LPP: variants seen among roughly 807,000 people sequenced by gnomAD.
LPP encodes the protein LIM domain containing preferred translocation partner in lipoma.
In LPP, 38 loss-of-function variants were observed where a neutral mutation model predicts 60.4. The observed-to-expected ratio is 0.63, with a 90% CI of 0.49 to 0.83. LPP has a LOEUF of 0.83. LPP is among the 40% of genes least tolerant of loss of function. The pLI is 0.00. For missense variants in LPP, 902 were observed against 783.6 expected (o/e 1.15, Z -1.80); for synonymous variants, 328 against 290.8 (o/e 1.13, Z -1.30).
intron 8 of LPP, among the ~76,000 whole-genome samples, chr3:188,714,946 T>C (rs1329024446): frequency 6.6e-6 from 1 of 152,100 alleles, no homozygotes; most frequent in Non-Finnish European, 1.5e-5. Flanking sequence ...TCTTACCCAG[T>C]TCAATAAACC....
chr3:188,304,838 TC>T (rs1751008275), intron 2 of LPP, among the ~76,000 whole-genome samples: 1 of 152,186 alleles, frequency 6.6e-6, no homozygotes, highest in African/African-American at 2.4e-5. Flanking sequence ...AAAGTTGAAT[TC>T]CCTATTATGG....
intron 1 of LPP, among the ~76,000 whole-genome samples, chr3:188,225,162 T>C (rs1439348634): frequency 6.6e-6 from 1 of 152,194 alleles, no homozygotes; most frequent in African/African-American, 2.4e-5. Context: ...ACCTCCATTA[T>C]TAAGATGAAG....
intron 8 of LPP, among the ~76,000 whole-genome samples, chr3:188,732,154 G>A (rs542034357): frequency 7.9e-5 from 12 of 152,286 alleles, no homozygotes; most frequent in African/African-American, 2.6e-4. Flanking sequence ...GGAAACTTGT[G>A]ACCGATGCTA....
intron 2 of LPP, among the ~76,000 whole-genome samples, chr3:188,326,632 A>T (rs960368733): frequency 3.3e-5 from 5 of 152,220 alleles, no homozygotes; most frequent in African/African-American, 1.2e-4. Context: ...TGATGAAATA[A>T]AGTGAAATAA....
At chr3:188,671,542 C>T (rs1856963776) in intron 7 of LPP, among the ~76,000 whole-genome samples, 1 of 152,208 alleles carries the variant, frequency 6.6e-6, no homozygotes, top group African/African-American at 2.4e-5. Context: ...AAGATTACAT[C>T]TTGACATGAT....
chr3:188,158,020 A>T (rs1390441825), intron 1 of LPP, among the ~76,000 whole-genome samples: 1 of 152,174 alleles, frequency 6.6e-6, no homozygotes, highest in African/African-American at 2.4e-5. Context: ...GGTTTAAATT[A>T]ATCTCGATAG....
rs75753729 is a variant in LPP, at chr3:188,396,351, A to G, written c.-9-9761A>G. Among the ~76,000 whole-genome samples, 1,183 of 152,362 alleles carry G rather than the reference A, an allele frequency of 7.8e-3. 17 individuals are homozygous for G. Among genetic ancestry groups the G allele is most frequent in the African/African-American group, 0.027 (1,140 of 41,596 alleles). On this transcript the variant is annotated intron_variant, in intron 3 of 11. Transcript: ENST00000617246. The stretch of plus-strand genomic sequence containing the variant: ...AAAATACAAACAGAATCATTAAAAA[A>G]TTAAGATAATTAGAACATCCTAAAG...
At chr3:188,582,142 C>G (rs1365104724) in intron 6 of LPP, among the ~76,000 whole-genome samples, 1 of 114,902 alleles carries the variant, frequency 8.7e-6, no homozygotes, top group South Asian at 3.4e-4. Context: ...GTCGTTTTAC[C>G]TTTTTCTTTT....
chr3:188,592,557 G>GTTTGTTTTTTTTTTT lies in LPP; in HGVS notation c.430-16601_430-16600insGTTTTTTTTTTTTTT, dbSNP rs1260656926. ...TATCACTGTTTTTAGTTTTGTTTTT[G>GTTTGTTTTTTTTTTT]TTTTTTAAATGGAGTCTCACTCTTT... On this transcript the variant is annotated intron_variant, in intron 6 of 11. Transcript: ENST00000617246. 4.9e-4 allele frequency among the ~76,000 whole-genome samples: 42 copies of GTTTGTTTTTTTTTTT among 85,702 alleles called. 1 individual carries two copies. The highest frequency in any genetic ancestry group is 1.3e-3 in the African/African-American group (28 of 22,138). The allele number at this position is 85,702 out of a possible 152,430, so 56.2% of individuals were successfully genotyped here.
rs976733204 is a variant in LPP at position 188,880,597 on chromosome 3, A to T, written c.*6118A>T. 1 of 188,642 alleles carries T rather than the reference A, an allele frequency of 5.3e-6. No homozygotes were observed. Among genetic ancestry groups the T allele is most frequent in the African/African-American group, 2.3e-5 (1 of 42,862 alleles). The allele number at this position is 188,642 out of a possible 1,614,324, so 11.7% of individuals were successfully genotyped here. On this transcript the variant is annotated 3_prime_UTR_variant, in exon 12 of 12. Coordinates refer to ENST00000617246, the MANE Select transcript of LPP (RefSeq NM_001375462.1). ...GCCTTTCATGTTATGTGGCATTGTT[A>T]ATTTTTCCTAGATACCCATCCACTT...
intron 9 of LPP, among the ~76,000 whole-genome samples, chr3:188,843,060 T>A (rs1760421262): frequency 6.6e-6 from 1 of 152,248 alleles, no homozygotes; most frequent in Non-Finnish European, 1.5e-5. Context: ...GCAGTCTTCA[T>A]CTTTTTGTTG....
intron 1 of LPP, among the ~76,000 whole-genome samples, chr3:188,219,868 T>G (rs556112222): frequency 6.6e-6 from 1 of 152,170 alleles, no homozygotes; most frequent in Non-Finnish European, 1.5e-5. Flanking sequence ...TCTTCATTCA[T>G]AGAACTCCCA....
Position 188,879,882 on chromosome 3 carries a change from C to T in LPP, c.*5403C>T, listed in dbSNP as rs1769726813. 5.5e-6 allele frequency: 1 copy of T among 182,004 alleles called. No individual in the cohort carries two copies. The allele number at this position is 182,004 out of a possible 1,614,324, so 11.3% of individuals were successfully genotyped here. A position where few individuals can be genotyped will look rare whatever the true frequency, so the allele number is the denominator to read the frequency against. On this transcript the variant is annotated 3_prime_UTR_variant, in exon 12 of 12. Transcript: ENST00000617246. The stretch of plus-strand genomic sequence containing the variant: ...AGATCACAGACTACAGGCAGAATTT[C>T]CCTTCAATCCAGAAAAAAGGACACT...
intron 8 of LPP, among the ~76,000 whole-genome samples, chr3:188,731,637 C>T (rs1720650650): frequency 6.6e-6 from 1 of 151,504 alleles, no homozygotes; most frequent in Non-Finnish European, 1.5e-5. Flanking sequence ...ATTCTCCTCC[C>T]TAAGCCTTCA....
intron 1 of LPP, chr3:188,179,625 A>T: frequency 2.6e-6 from 1 of 384,134 alleles, no homozygotes; most frequent in South Asian, 1.9e-5. Context: ...TCCATTTCTC[A>T]TCCTGCCAGG....
intron 3 of LPP, among the ~76,000 whole-genome samples, chr3:188,346,426 ATT>A (rs778079285): frequency 1.0e-4 from 14 of 135,434 alleles, no homozygotes; most frequent in Non-Finnish European, 8.1e-5. Flanking sequence ...CGCCCAGCTA[ATT>A]TTTTTTTTTT....
intron 4 of LPP, among the ~76,000 whole-genome samples, chr3:188,459,898 G>A (rs989919531): frequency 6.6e-6 from 1 of 152,038 alleles, no homozygotes; most frequent in Non-Finnish European, 1.5e-5. Flanking sequence ...TCCATGTGTG[G>A]CCTTAGTCAG....
rs768358623 is a variant in LPP at position 188,250,724 on chromosome 3, C to CTCTTTCTT, written c.-67+25253_-67+25260dup. ...TTTCCTCTTTCTTTTCTTTCTTTCT[C>CTCTTTCTT]TCTTTCTTTCTTTCTTTCTTTCTTT... On this transcript the variant is annotated intron_variant, in intron 2 of 11. Transcript: ENST00000617246. Among the ~76,000 whole-genome samples the CTCTTTCTT allele has an allele frequency of 6.5e-3, 776 of 118,572 alleles. 12 individuals carry two copies. Among genetic ancestry groups the CTCTTTCTT allele is most frequent in the East Asian group, 0.019 (79 of 4,138 alleles). 77.8% of individuals were successfully genotyped at this position (118,572 alleles called of 152,430 possible).
At chr3:188,788,384 A>G (rs1742593400) in intron 9 of LPP, among the ~76,000 whole-genome samples, 1 of 152,154 alleles carries the variant, frequency 6.6e-6, no homozygotes, top group Non-Finnish European at 1.5e-5. Flanking sequence ...TCCCATCTCC[A>G]TCCCAATCAC....
Sources: allele counts gnomAD v4.1 joint callset (sites outside exome capture counted in the v4.1 genomes callset), GRCh38; gene constraint gnomAD v4.1.1; transcripts MANE v1.5; gene names NCBI Gene and HGNC (gene_info 2026-07-23, HGNC 2026-07-21).